PTPRD: variants seen among roughly 807,000 people sequenced by gnomAD.
PTPRD encodes receptor-type tyrosine-protein phosphatase delta.
PTPRD carries 34 observed loss-of-function variants against 214.5 expected under a neutral mutation model. The ratio of observed to expected loss-of-function variants is 0.16; its 90% CI spans 0.12 to 0.21. The LOEUF (loss-of-function observed/expected upper bound fraction) is 0.21. Among genes scored for constraint, PTPRD ranks in the 10% least tolerant of loss-of-function variants. The pLI is 1.00. For synonymous variants in PTPRD, 1,128 were observed against 845.7 expected, an observed-to-expected ratio of 1.33 and a Z score of -5.79; for missense variants, 2,545 against 2,398.7, an observed-to-expected ratio of 1.06 and a Z score of -1.27.
At chr9:10,381,562 A>G (rs561271714) in intron 2 of PTPRD, among the ~76,000 whole-genome samples, 1 of 152,110 alleles carries the variant, frequency 6.6e-6, no homozygotes, top group Admixed American at 6.6e-5. Context: ...GGTCCCACAG[A>G]CCAAGCATCT....
intron 5 of PTPRD, 28 bp downstream of exon 5, chr9:9,938,479 C>T (rs1490440262): frequency 2.6e-5 from 4 of 152,118 alleles, no homozygotes; most frequent in South Asian, 2.1e-4. Flanking sequence ...TCATGGGAAA[C>T]TAGCATACCC....
At chr9:8,342,382 T>C (rs911339977) in intron 39 of PTPRD, among the ~76,000 whole-genome samples, 1 of 152,106 alleles carries the variant, frequency 6.6e-6, no homozygotes, top group Non-Finnish European at 1.5e-5. Flanking sequence ...TTGCAAACTC[T>C]CTCAATCTGT....
chr9:10,349,692 A>G (rs2154455178), intron 2 of PTPRD, among the ~76,000 whole-genome samples: 1 of 152,348 alleles, frequency 6.6e-6, no homozygotes, highest in Non-Finnish European at 1.5e-5. Context: ...CTTAATTTAA[A>G]AATAATCATT....
intron 4 of PTPRD, among the ~76,000 whole-genome samples, chr9:9,970,429 C>CAAAA (rs35445219): frequency 2.6e-4 from 24 of 92,158 alleles, no homozygotes; most frequent in African/African-American, 7.8e-4. Context: ...GACTCCTTCT[C>CAAAA]AAAAAAAAAA....
intron 11 of PTPRD, among the ~76,000 whole-genome samples, chr9:8,943,798 A>C (rs2099047887): frequency 6.6e-6 from 1 of 151,704 alleles, no homozygotes; most frequent in Non-Finnish European, 1.5e-5. Flanking sequence ...AAACTATGAA[A>C]CCACTAAAAA....
At chr9:8,720,300 G>C (rs1360400339) in intron 12 of PTPRD, among the ~76,000 whole-genome samples, 1 of 152,188 alleles carries the variant, frequency 6.6e-6, no homozygotes, top group Admixed American at 6.5e-5. Flanking sequence ...TTGCTATGAT[G>C]ACTCAATATG....
At chr9:9,672,433 T>C (rs1323096496) in intron 7 of PTPRD, among the ~76,000 whole-genome samples, 2 of 152,160 alleles carry the variant, frequency 1.3e-5, no homozygotes, top group African/African-American at 2.4e-5. Flanking sequence ...TCAACTAATG[T>C]AATAATCAAA....
At chr9:10,202,027 G>C (rs2099428269) in intron 3 of PTPRD, among the ~76,000 whole-genome samples, 1 of 151,960 alleles carries the variant, frequency 6.6e-6, no homozygotes, top group Non-Finnish European at 1.5e-5. Flanking sequence ...TGATCATTCA[G>C]ATGAAAGAAA....
intron 8 of PTPRD, among the ~76,000 whole-genome samples, chr9:9,479,415 C>G (rs62533198): frequency 0.1 from 15,253 of 151,864 alleles, 816 homozygotes; most frequent in South Asian, 0.14. Context: ...AAAACTAACT[C>G]AGAATTATTT....
intron 3 of PTPRD, among the ~76,000 whole-genome samples, chr9:10,332,203 G>C (rs1327800760): frequency 1.3e-5 from 2 of 151,776 alleles, no homozygotes; most frequent in African/African-American, 4.8e-5. Flanking sequence ...AATGTCTTAG[G>C]AGAAAGAAAC....
rs150882625 is a variant in PTPRD at position 9,039,091 on chromosome 9, C to G, written c.-142-20356G>C. Among the ~76,000 whole-genome samples, 993 of 152,206 alleles carry G rather than the reference C, an allele frequency of 6.5e-3. 4 individuals carry two copies. Among genetic ancestry groups the G allele is most frequent in the African/African-American group, 0.014 (575 of 41,538 alleles). ...CTATGAAACAAAAAAAGAATTTAAG[C>G]ATAGCTGTATACATTTCATACAACA... On this transcript the variant is annotated intron_variant, in intron 10 of 45. Coordinates refer to ENST00000381196, the MANE Select transcript of PTPRD (RefSeq NM_002839.4).
intron 35 of PTPRD, among the ~76,000 whole-genome samples, chr9:8,429,112 A>G (rs1035582625): frequency 1.3e-5 from 2 of 152,254 alleles, no homozygotes; most frequent in African/African-American, 2.4e-5. Flanking sequence ...GGAAATTGGT[A>G]ACTATGACAT....
chr9:9,613,135 CATATAT>C (rs67735335), intron 7 of PTPRD, among the ~76,000 whole-genome samples: 6 of 47,926 alleles, frequency 1.3e-4, no homozygotes, highest in African/African-American at 3.5e-4. Context: ...TACATACATA[CATATAT>C]ATATATATAT....
intron 12 of PTPRD, among the ~76,000 whole-genome samples, chr9:8,656,802 T>C (rs1432684558): frequency 6.6e-6 from 1 of 152,238 alleles, no homozygotes; most frequent in East Asian, 1.9e-4. Context: ...GCTCACTTTA[T>C]TAACTCATCC....
At chr9:8,470,729 C>A (rs890522943) in intron 31 of PTPRD, among the ~76,000 whole-genome samples, 7 of 152,118 alleles carry the variant, frequency 4.6e-5, no homozygotes, top group African/African-American at 1.7e-4. Flanking sequence ...TCATGTTTTA[C>A]AAGGAGCAAG....
At chr9:10,566,041 C>A (rs1368735110) in intron 2 of PTPRD, among the ~76,000 whole-genome samples, 1 of 151,958 alleles carries the variant, frequency 6.6e-6, no homozygotes, top group Non-Finnish European at 1.5e-5. Flanking sequence ...AAACATACTA[C>A]ATGTATTGTC....
chr9:8,803,957 C>T (rs1000565473), intron 11 of PTPRD, among the ~76,000 whole-genome samples: 16 of 151,544 alleles, frequency 1.1e-4, no homozygotes, highest in African/African-American at 3.2e-4. Flanking sequence ...TCACTTCTTC[C>T]CTCCACCCCC....
At chr9:10,332,127 T>C (rs1452144331) in intron 3 of PTPRD, among the ~76,000 whole-genome samples, 1 of 151,898 alleles carries the variant, frequency 6.6e-6, no homozygotes, top group African/African-American at 2.4e-5. Flanking sequence ...GCATTTCATG[T>C]GAAAGTGTTG....
chr9:8,794,780 G>A (rs755183684), intron 11 of PTPRD, among the ~76,000 whole-genome samples: 1 of 151,790 alleles, frequency 6.6e-6, no homozygotes, highest in Non-Finnish European at 1.5e-5. Flanking sequence ...AAACCGAGGA[G>A]TAAGTTATTT....
Sources: gnomAD v4.1 joint callset for allele counts (sites outside exome capture counted in the v4.1 genomes callset) on GRCh38, gnomAD v4.1.1 for gene constraint, MANE v1.5 for transcripts, NCBI Gene and HGNC (gene_info 2026-07-23, HGNC 2026-07-21) for gene names.